Variants in SGIP1 observed in about 807,000 individuals in gnomAD.
SGIP1 encodes the protein SH3-containing GRB2-like protein 3-interacting protein 1.
SGIP1 carries 38 observed loss-of-function variants against 107.5 expected under a neutral mutation model. The observed-to-expected ratio is 0.35, with a 90% CI of 0.27 to 0.46. SGIP1 has a LOEUF of 0.46. Among genes scored for constraint, SGIP1 ranks in the 20% least tolerant of loss-of-function variants. The pLI is 1.00. For missense variants in SGIP1, 929 were observed against 1,019.5 expected (o/e 0.91, Z 1.21); for synonymous variants, 365 against 366.1 (o/e 1.00, Z 0.03).
chr1:66,716,968 A>G (rs1190705283), intron 18 of SGIP1, among the ~76,000 whole-genome samples: 1 of 151,856 alleles, frequency 6.6e-6, no homozygotes, highest in Non-Finnish European at 1.5e-5. Context: ...TCAGTTCCAC[A>G]CGTACATAGA....
At chr1:66,613,583 G>T (rs1209395838) in intron 1 of SGIP1, among the ~76,000 whole-genome samples, 1 of 152,216 alleles carries the variant, frequency 6.6e-6, no homozygotes, top group African/African-American at 2.4e-5. Flanking sequence ...GCCCACCTCA[G>T]TCTCCCAAAG....
chr1:66,616,234 A>G (rs2069274320), intron 1 of SGIP1: 1 of 152,162 alleles, frequency 6.6e-6, no homozygotes, highest in Middle Eastern at 3.2e-3. Context: ...TGAGGTTTTG[A>G]AATTTTGATT....
intron 24 of SGIP1, among the ~76,000 whole-genome samples, chr1:66,741,992 C>T (rs1045784525): frequency 1.3e-5 from 2 of 151,916 alleles, no homozygotes; most frequent in Non-Finnish European, 2.9e-5. Context: ...GGTCTTGAAC[C>T]CCTGAGCTCG....
intron 4 of SGIP1, among the ~76,000 whole-genome samples, chr1:66,639,297 T>C (rs2076346045): frequency 6.6e-6 from 1 of 152,218 alleles, no homozygotes; most frequent in East Asian, 1.9e-4. Flanking sequence ...AGGGGGTAGT[T>C]ACAAAAAAAT....
At chr1:66,549,005 T>C (rs567738602) in intron 1 of SGIP1, among the ~76,000 whole-genome samples, 46 of 152,336 alleles carry the variant, frequency 3.0e-4, no homozygotes, top group Non-Finnish European at 4.6e-4. Context: ...TCTTTTATAA[T>C]TTCTTATGTA....
chr1:66,602,105 A>G (rs2065951726), intron 1 of SGIP1, among the ~76,000 whole-genome samples: 2 of 152,220 alleles, frequency 1.3e-5, no homozygotes, highest in South Asian at 4.1e-4. Context: ...ATCTGGAGAA[A>G]GCAGAACATT....
intron 1 of SGIP1, among the ~76,000 whole-genome samples, chr1:66,572,957 G>T (rs2060579877): frequency 6.6e-6 from 1 of 152,032 alleles, no homozygotes; most frequent in African/African-American, 2.4e-5. Context: ...GACCGAGTCA[G>T]AAAAGATATA....
chr1:66,736,561 C>A (rs1367966355), intron 21 of SGIP1, among the ~76,000 whole-genome samples: 3 of 38,438 alleles, frequency 7.8e-5, no homozygotes, highest in African/African-American at 3.0e-4. Context: ...TAATATATTG[C>A]GTATTATATG....
intron 1 of SGIP1, among the ~76,000 whole-genome samples, chr1:66,543,038 A>G (rs1476396146): frequency 6.6e-6 from 1 of 152,248 alleles, no homozygotes; most frequent in Non-Finnish European, 1.5e-5. Context: ...AGAACTAAGC[A>G]AGTTAATTTT....
At chr1:66,688,087 G>A (rs1361854534) in intron 15 of SGIP1, among the ~76,000 whole-genome samples, 1 of 152,152 alleles carries the variant, frequency 6.6e-6, no homozygotes, top group East Asian at 1.9e-4. Context: ...GTTTTGTGAT[G>A]TGTTGTTTGG....
intron 1 of SGIP1, among the ~76,000 whole-genome samples, chr1:66,557,451 C>T (rs1009264784): frequency 2.0e-5 from 3 of 152,050 alleles, no homozygotes; most frequent in Non-Finnish European, 4.4e-5. Context: ...AAGTAAACTG[C>T]CTATTTTTTT....
intron 15 of SGIP1, 43 bp from the exon 16 acceptor site, chr1:66,689,105 C>T (rs369985235): frequency 1.9e-6 from 3 of 1,593,172 alleles, no homozygotes; most frequent in South Asian, 2.3e-5. Context: ...AGCGCTTTGG[C>T]CCCCTGTGTT....
intron 2 of SGIP1, among the ~76,000 whole-genome samples, chr1:66,626,709 AG>A (rs2072892874): frequency 6.6e-6 from 1 of 152,216 alleles, no homozygotes; most frequent in African/African-American, 2.4e-5. Context: ...CTCCAGCCCA[AG>A]ACCAGTGTAG....
chr1:66,725,990 C>T (rs2093735872), intron 19 of SGIP1, among the ~76,000 whole-genome samples: 1 of 152,186 alleles, frequency 6.6e-6, no homozygotes, highest in African/African-American at 2.4e-5. Context: ...ATTGTGGCAG[C>T]CCAGCCAGTT....
rs541609815 is a variant in SGIP1, at chr1:66,598,638, C to T, written c.11-27209C>T. 2.6e-5 allele frequency among the ~76,000 whole-genome samples: 4 copies of T among 152,250 alleles called. No homozygotes were observed. The East Asian group carries it at 7.7e-4, about 29-fold the overall frequency. On this transcript the variant is annotated intron_variant, in intron 1 of 24. Transcript: ENST00000371037. ...TCGTGGCTGAATGTGAAAGGGGAGC[C>T]AGCACTTGACACAGCCAAGCAGGAG...
Position 66,679,704 on chromosome 1 carries a change from G to T in SGIP1, c.766G>T (p.Val256Leu), listed in dbSNP as rs769360754. The change falls in exon 14 of 25, where the codon GTA (valine) becomes TTA (leucine). Residue 256 changes from valine (V) to leucine (L), a missense_variant. Transcript: ENST00000371037. ...GTPPPLPPKN[V>L]PATPPRTGSP... is the part of the protein sequence containing the mutation. The stretch of plus-strand genomic sequence containing the variant: ...ACCTCCACCACTGCCTCCAAAAAAT[G>T]TACCAGCTACCCCACCCCGAACAGG... 5.6e-6 allele frequency: 9 copies of T among 1,606,386 alleles called. No homozygotes were observed. In the South Asian group the frequency reaches 8.9e-5, roughly 16 times the overall value.
At chr1:66,547,728 G>A (rs1372775511) in intron 1 of SGIP1, among the ~76,000 whole-genome samples, 1 of 152,112 alleles carries the variant, frequency 6.6e-6, no homozygotes, top group African/African-American at 2.4e-5. Context: ...GAGGACACAA[G>A]ATTAACAAAC....
chr1:66,715,271 T>A (rs550213365), intron 18 of SGIP1, among the ~76,000 whole-genome samples: 2 of 152,250 alleles, frequency 1.3e-5, no homozygotes, highest in East Asian at 1.9e-4. Context: ...TGGGAAAAAG[T>A]AAAACACAAA....
chr1:66,660,249 G>A (rs77400811), intron 7 of SGIP1: 42,351 of 284,376 alleles, frequency 0.15, 7,116 homozygotes, highest in East Asian at 0.28. Context: ...GGGAGGGAGG[G>A]AGGAAGGAAG....
Sources: gnomAD v4.1 joint callset for allele counts (sites outside exome capture counted in the v4.1 genomes callset) on GRCh38, gnomAD v4.1.1 for gene constraint, MANE v1.5 for transcripts, NCBI Gene and HGNC (gene_info 2026-07-23, HGNC 2026-07-21) for gene names.